Variants in LIFR observed in about 807,000 individuals in gnomAD.
LIFR encodes LIF receptor subunit alpha.
In LIFR, 84 loss-of-function variants were observed where a neutral mutation model predicts 122.2. The ratio of observed to expected loss-of-function variants is 0.69; its 90% CI spans 0.58 to 0.82. The LOEUF is 0.82. LIFR is among the 40% of genes least tolerant of loss of function. LIFR has a pLI of 0.00. For missense variants in LIFR, 1,294 were observed against 1,311.6 expected, an observed-to-expected ratio of 0.99 and a Z score of 0.21; for synonymous variants, 422 against 434.7, an observed-to-expected ratio of 0.97 and a Z score of 0.36.
chr5:38,535,129 G>A (rs552696548), intron 1 of LIFR, among the ~76,000 whole-genome samples: 1 of 152,266 alleles, frequency 6.6e-6, no homozygotes, highest in East Asian at 1.9e-4. Flanking sequence ...CATACAACTG[G>A]AGTCAGAACC....
chr5:38,477,541 C>T lies in LIFR; in HGVS notation c.*4054G>A. On this transcript the variant is annotated 3_prime_UTR_variant, in exon 20 of 20. Coordinates refer to ENST00000453190, the MANE Select transcript of LIFR (RefSeq NM_001127671.2). ...CTGGTACAAACATGCCCCAGTTGCA[C>T]ACCCATCAAAGAAGAAGAAATTATG... 1 of 216,232 alleles carries T rather than the reference C, an allele frequency of 4.6e-6. No individual in the cohort carries two copies. The highest frequency in any genetic ancestry group is 6.9e-5 in the East Asian group (1 of 14,470). 13.4% of individuals were successfully genotyped at this position (216,232 alleles called of 1,614,324 possible).
chr5:38,494,786 C>G (rs1024337593), intron 13 of LIFR, among the ~76,000 whole-genome samples: 1 of 152,112 alleles, frequency 6.6e-6, no homozygotes, highest in African/African-American at 2.4e-5. Flanking sequence ...TGCAGGTGAG[C>G]GGCCCTTGAC....
chr5:38,501,039 C>T (rs1043800923), intron 11 of LIFR, among the ~76,000 whole-genome samples: 1 of 152,136 alleles, frequency 6.6e-6, no homozygotes, highest in African/African-American at 2.4e-5. Context: ...TCCTCTAGCC[C>T]CAGTGAAGCC....
Position 38,477,136 on chromosome 5 carries a change from T to C in LIFR, c.*4459A>G, listed in dbSNP as rs76275181. The C allele has an allele frequency of 1.2e-3, 256 of 221,904 alleles. 1 individual carries two copies. The highest frequency in any genetic ancestry group is 5.2e-3 in the African/African-American group (234 of 44,872). 13.7% of individuals were successfully genotyped at this position (221,904 alleles called of 1,614,324 possible). A position where few individuals can be genotyped will look rare whatever the true frequency, so the allele number is the denominator to read the frequency against. ...TCTGTAATAAGCATGAATACGACCA[T>C]GTAATAATTAATAGCACTAATTGAA... is the stretch of plus-strand genomic sequence containing the variant. On this transcript the variant is annotated 3_prime_UTR_variant, in exon 20 of 20. Transcript: ENST00000453190.
rs756161883 is a variant in LIFR, at chr5:38,510,636, A to G, written c.819T>C (p.Ser273=). The change falls in exon 7 of 20, where the codon AGT becomes AGC. Residue 273 remains serine, a synonymous_variant. Transcript: ENST00000453190. ...VGSDITFCCV[S]QEKVLSALIG... ...TCAGTGCTGATAACACTTTTTCTTG[A>G]CTCACACAACAAAATGTTATGTCTG... 6.8e-5 allele frequency: 109 copies of G among 1,613,844 alleles called. No homozygotes were observed. In the East Asian group the frequency reaches 2.4e-3, roughly 35 times the overall value.
In LIFR at chr5:38,520,009, T is replaced by C. The variant is rs867078051; in HGVS notation, c.561+3410A>G. Among the ~76,000 whole-genome samples the C allele has an allele frequency of 3.3e-5, 5 of 152,208 alleles. No homozygotes were observed. In the East Asian group the frequency reaches 5.8e-4, roughly 18 times the overall value. ...CCAGAAGTGGGACTGCTGGATCCTA[T>C]AGGAGTTCTCTTTTTAGTTTTTTGA... is the stretch of plus-strand genomic sequence containing the variant. On this transcript the variant is annotated intron_variant, in intron 5 of 19. Transcript: ENST00000453190.
intron 1 of LIFR, among the ~76,000 whole-genome samples, chr5:38,554,040 G>A (rs1454546776): frequency 6.6e-6 from 1 of 152,006 alleles, no homozygotes; most frequent in African/African-American, 2.4e-5. Context: ...GTGCCTAATG[G>A]CAACCGAATT....
intron 1 of LIFR, among the ~76,000 whole-genome samples, chr5:38,532,767 T>C (rs1020358427): frequency 1.8e-4 from 28 of 152,260 alleles, no homozygotes; most frequent in African/African-American, 4.6e-4. Flanking sequence ...GCCAGAACAA[T>C]ACATGAACAG....
intron 1 of LIFR, among the ~76,000 whole-genome samples, chr5:38,588,454 A>G (rs1206312297): frequency 6.6e-6 from 1 of 152,232 alleles, no homozygotes; most frequent in Non-Finnish European, 1.5e-5. Flanking sequence ...TATTGACCTC[A>G]TTGTTAAAAA....
In LIFR at chr5:38,481,808, A is replaced by G; in HGVS notation, c.3081T>C (p.Gly1027=). Reference sequence around the variant, plus strand: ...TATTTACATTGGCCTGAGGTCTGTAACCCGCAGTTTTATCTAAGTCCTCTT... The same window carrying G: ...TATTTACATTGGCCTGAGGTCTGTAGCCCGCAGTTTTATCTAAGTCCTCTT... ...AAEEDLDKTA[G]YRPQANVNTW... is the part of the protein sequence containing the mutation. Residue 1027 remains glycine (G), a synonymous_variant, in exon 20 of 20, where the codon GGT becomes GGC. Transcript: ENST00000453190. 1 of 1,614,090 alleles carries G rather than the reference A, an allele frequency of 6.2e-7. No individual in the cohort carries two copies. The highest frequency in any genetic ancestry group is 8.5e-7 in the Non-Finnish European group (1 of 1,180,012).
rs186993081 is a variant in LIFR at position 38,606,544 on chromosome 5, G to T, written n.204-238C>A. Among the ~76,000 whole-genome samples, 5 of 152,254 alleles carry T rather than the reference G, an allele frequency of 3.3e-5. No individual in the cohort carries two copies. The East Asian group carries it at 7.7e-4, about 23-fold the overall frequency. ...CAAACTCTGTCAGATAATTACCTGC[G>T]AGCACAAATTATCTATATTGCCGGC... On this transcript the variant is annotated intron_variant and non_coding_transcript_variant, in intron 1 of 3. Transcript: ENST00000507786.
chr5:38,510,294 T>C (rs1326494950), intron 7 of LIFR, among the ~76,000 whole-genome samples, 170 bp downstream of exon 7: 2 of 152,174 alleles, frequency 1.3e-5, no homozygotes, highest in Non-Finnish European at 2.9e-5. Context: ...CAATTCATTT[T>C]AAAACAAGCA....
At chr5:38,530,407 A>C in intron 2 of LIFR, 99 bp downstream of exon 2, 1 of 1,030,348 alleles carries the variant, frequency 9.7e-7, no homozygotes, top group Non-Finnish European at 1.5e-6. Flanking sequence ...TTTAACCAAC[A>C]AAATCCTAAA....
At chr5:38,562,482 C>T (rs1051445153) in intron 1 of LIFR, among the ~76,000 whole-genome samples, 1 of 152,180 alleles carries the variant, frequency 6.6e-6, no homozygotes, top group Non-Finnish European at 1.5e-5. Context: ...TATAGCCCAT[C>T]GTACATCCAG....
chr5:38,494,428 C>T (rs1744765681), intron 13 of LIFR, among the ~76,000 whole-genome samples: 1 of 150,436 alleles, frequency 6.6e-6, no homozygotes, highest in South Asian at 2.1e-4. Flanking sequence ...GAAGTCTGCA[C>T]AGCGTCCTAG....
rs1472069989 is a variant in LIFR, at chr5:38,475,189, TAA to T, written c.*6404_*6405del. On this transcript the variant is annotated 3_prime_UTR_variant, in exon 20 of 20. Coordinates refer to ENST00000453190, the MANE Select transcript of LIFR (RefSeq NM_001127671.2). ...TAAATTCTGAAATTATACAATGATA[TAA>T]AGTGTCCAAATTTCCCATTCTAACA... 1.1e-5 allele frequency: 2 copies of T among 185,764 alleles called. No individual in the cohort carries two copies. The highest frequency in any genetic ancestry group is 4.7e-5 in the African/African-American group (2 of 42,736). 11.5% of individuals were successfully genotyped at this position (185,764 alleles called of 1,614,324 possible).
chr5:38,547,997 T>G (rs1236905180), intron 1 of LIFR, among the ~76,000 whole-genome samples: 1 of 152,164 alleles, frequency 6.6e-6, no homozygotes, highest in Non-Finnish European at 1.5e-5. Context: ...TATGGTCTGT[T>G]ACTGACCTAA....
chr5:38,506,787 G>A (rs1249237619), intron 7 of LIFR, among the ~76,000 whole-genome samples, 155 bp from the exon 8 acceptor site: 1 of 152,106 alleles, frequency 6.6e-6, no homozygotes, highest in African/African-American at 2.4e-5. Context: ...TATTCTCTCT[G>A]TAGCATGTCT....
intron 1 of LIFR, among the ~76,000 whole-genome samples, chr5:38,593,076 G>A (rs558472573): frequency 2.0e-5 from 3 of 152,208 alleles, no homozygotes; most frequent in South Asian, 2.1e-4. Flanking sequence ...GGTGGTGCAC[G>A]CCTGTAATCC....
Sources: gnomAD v4.1 joint callset for allele counts (sites outside exome capture counted in the v4.1 genomes callset) on GRCh38, gnomAD v4.1.1 for gene constraint, MANE v1.5 for transcripts, NCBI Gene and HGNC (gene_info 2026-07-23, HGNC 2026-07-21) for gene names.